Variants in AGAP1 observed in about 807,000 individuals in gnomAD.
AGAP1 encodes arf-GAP with GTPase, ANK repeat and PH domain-containing protein 1.
A neutral mutation model predicts 105.3 loss-of-function variants in AGAP1; 29 were observed. The ratio of observed to expected loss-of-function variants is 0.28; its 90% CI spans 0.21 to 0.38. The LOEUF (loss-of-function observed/expected upper bound fraction) is 0.38, where lower values mean the gene tolerates loss of function less well. AGAP1 is among the 10% of genes least tolerant of loss of function. The probability of loss-of-function intolerance (pLI) is 1.00; values close to 1 mark genes in which losing one functional copy is unlikely to be tolerated. For synonymous variants in AGAP1, 509 were observed against 485.9 expected (o/e 1.05, Z -0.63); for missense variants, 998 against 1,165.1 (o/e 0.86, Z 2.09).
chr2:235,821,382 A>T (rs866729229), intron 9 of AGAP1, among the ~76,000 whole-genome samples: 4 of 133,816 alleles, frequency 3.0e-5, no homozygotes, highest in East Asian at 2.2e-4. Context: ...CAGAACTTCA[A>T]TTTTTTTTTT....
At position 235,971,155 on chromosome 2, in the gene AGAP1, A is replaced by G. The variant is rs2054625522; in HGVS notation, c.1645+2532A>G. Among the ~76,000 whole-genome samples the G allele has an allele frequency of 6.6e-6, 1 of 152,178 alleles. No individual in the cohort carries two copies. The stretch of plus-strand genomic sequence containing the variant: ...CGGCTATGACATCTTTCCAATAGCA[A>G]ATAAGTCATAAGTTATTTATAAAAA... On this transcript the variant is annotated intron_variant, in intron 13 of 17. Coordinates refer to ENST00000304032, the MANE Select transcript of AGAP1 (RefSeq NM_001037131.3). This position sits in a 1 kb window ranked among gnomAD's most constrained non-coding sequence, Gnocchi z 4.8.
At chr2:235,670,850 C>G (rs1948370430) in intron 1 of AGAP1, 5 of 1,244,918 alleles carry the variant, frequency 4.0e-6, no homozygotes, top group Non-Finnish European at 4.1e-6. Flanking sequence ...GGAGCGCGCG[C>G]GGGCGGCGGC....
rs576988808 is a variant in AGAP1 at position 235,719,994 on chromosome 2, C to G, written c.310+2350C>G. Among the ~76,000 whole-genome samples, 90 of 152,230 alleles carry G rather than the reference C, an allele frequency of 5.9e-4. 1 individual carries two copies. Among genetic ancestry groups the G allele is most frequent in the African/African-American group, 2.1e-3 (87 of 41,530 alleles). The stretch of plus-strand genomic sequence containing the variant: ...GTAGAACCAAGCAGGTGGCCACTGT[C>G]TTTGCCCCTCTTAATGAGACCAGGG... On this transcript the variant is annotated intron_variant, in intron 3 of 17. Transcript: ENST00000304032. This position sits in a 1 kb window ranked among gnomAD's most constrained non-coding sequence, Gnocchi z 4.9.
chr2:236,000,531 C>G lies in AGAP1; in HGVS notation c.1645+31908C>G, dbSNP rs2056073178. 6.6e-6 allele frequency among the ~76,000 whole-genome samples: 1 copy of G among 152,168 alleles called. No individual in the cohort carries two copies. The highest frequency in any genetic ancestry group is 1.5e-5 in the Non-Finnish European group (1 of 68,026). ...TGATGGTGGGGTGTGCATCCCCCACCCCCCAAGCCTGTTCCTAGAAGGCCA... is the reference window on the plus strand; with the variant it reads ...TGATGGTGGGGTGTGCATCCCCCACGCCCCAAGCCTGTTCCTAGAAGGCCA... On this transcript the variant is annotated intron_variant, in intron 13 of 17. Coordinates refer to ENST00000304032, the MANE Select transcript of AGAP1 (RefSeq NM_001037131.3). The surrounding 1 kb of genome is among the most constrained non-coding windows in gnomAD (Gnocchi z 4.3).
At chr2:236,102,375 G>A (rs901983370) in intron 16 of AGAP1, among the ~76,000 whole-genome samples, 1 of 142,910 alleles carries the variant, frequency 7.0e-6, no homozygotes, top group African/African-American at 2.7e-5. Flanking sequence ...GCGAGATCAT[G>A]CCACTGCACT....
At position 236,126,516 on chromosome 2, in the gene AGAP1, A is replaced by G. The variant is rs1050337710; in HGVS notation, c.*2394A>G. On this transcript the variant is annotated 3_prime_UTR_variant, in exon 18 of 18. Transcript: ENST00000304032. Reference sequence around the variant, plus strand: ...CTTTGGGATGTATATGAGCGTGTACATATTATTCTATGTGTTTATAATATA... The same window carrying G: ...CTTTGGGATGTATATGAGCGTGTACGTATTATTCTATGTGTTTATAATATA... The G allele has an allele frequency of 2.6e-5, 4 of 152,356 alleles. No homozygotes were observed. Among genetic ancestry groups the G allele is most frequent in the Middle Eastern group, 3.4e-3 (1 of 294 alleles). 9.4% of individuals were successfully genotyped at this position (152,356 alleles called of 1,614,324 possible).
chr2:235,808,792 T>A (rs1957977264), intron 9 of AGAP1, among the ~76,000 whole-genome samples: 1 of 152,150 alleles, frequency 6.6e-6, no homozygotes, highest in South Asian at 2.1e-4. Flanking sequence ...TTCTCTTCCC[T>A]CCATATATTC....
intron 16 of AGAP1, among the ~76,000 whole-genome samples, chr2:236,112,939 T>C (rs2059687356): frequency 6.6e-6 from 1 of 152,250 alleles, no homozygotes; most frequent in African/African-American, 2.4e-5. Flanking sequence ...CCTAAGTCTT[T>C]CCTTCCTTCT....
chr2:236,081,668 G>GTTTT (rs35088277), intron 16 of AGAP1, among the ~76,000 whole-genome samples: 8 of 135,192 alleles, frequency 5.9e-5, no homozygotes, highest in African/African-American at 1.6e-4. Context: ...AGTTCTGTGG[G>GTTTT]TTTTTTTTTT....
Position 235,750,344 on chromosome 2 carries a change from T to A in AGAP1, c.539-10T>A. 1 of 1,614,100 alleles carries A rather than the reference T, an allele frequency of 6.2e-7. No homozygotes were observed. The highest frequency in any genetic ancestry group is 1.3e-5 in the African/African-American group (1 of 75,040). ...TCACTGTGCCGTTACTTTTTGGTCTTCTGTTCCAGATGCCATAAGTTCTGC... is the reference window on the plus strand; with the variant it reads ...TCACTGTGCCGTTACTTTTTGGTCTACTGTTCCAGATGCCATAAGTTCTGC... On this transcript the variant is annotated splice_polypyrimidine_tract_variant and intron_variant, in intron 5 of 17. Transcript: ENST00000304032. This position sits in a 1 kb window ranked among gnomAD's most constrained non-coding sequence, Gnocchi z 5.3.
chr2:235,799,494 A>G lies in AGAP1; in HGVS notation c.929A>G (p.Gln310Arg), dbSNP rs141716710. The G allele has an allele frequency of 1.1e-4, 170 of 1,614,102 alleles. No individual in the cohort carries two copies. The highest frequency in any genetic ancestry group is 2.7e-4 in the Admixed American group (16 of 60,010). Reference protein sequence around the residue: ...TANTPTPVRKQSKRRSNLFTS... With the variant: ...TANTPTPVRKRSKRRSNLFTS... Reference sequence around the variant, plus strand: ...AACACGCCCACGCCCGTTCGCAAGCAGTCTAAGCGCCGGTCCAACCTGTTC... The same window carrying G: ...AACACGCCCACGCCCGTTCGCAAGCGGTCTAAGCGCCGGTCCAACCTGTTC... The change falls in exon 8 of 18, where the codon CAG becomes CGG. Residue 310 changes from glutamine (Q) to arginine (R), a missense_variant. Physicochemically the swap from Gln to Arg is conservative, Grantham distance 43. This residue lies in a region of AGAP1 where 735 missense variants were observed against 833.4 expected (regional missense o/e 0.88). Coordinates refer to ENST00000304032, the MANE Select transcript of AGAP1 (RefSeq NM_001037131.3). The surrounding 1 kb of genome is among the most constrained non-coding windows in gnomAD (Gnocchi z 5.0).
rs1269200719 is a variant in AGAP1 at position 235,934,435 on chromosome 2, T to C, written c.1483+3512T>C. Among the ~76,000 whole-genome samples, 1 of 152,086 alleles carries C rather than the reference T, an allele frequency of 6.6e-6. No individual in the cohort carries two copies. Among genetic ancestry groups the C allele is most frequent in the Admixed American group, 6.5e-5 (1 of 15,280 alleles). ...CCGGCGTCCCTCTGGTTCGCGTCATTCCCCCCTTTAGTGTGCTGCTTCGTC... is the reference window on the plus strand; with the variant it reads ...CCGGCGTCCCTCTGGTTCGCGTCATCCCCCCCTTTAGTGTGCTGCTTCGTC... On this transcript the variant is annotated intron_variant, in intron 12 of 17. Transcript: ENST00000304032. The surrounding 1 kb of genome is among the most constrained non-coding windows in gnomAD (Gnocchi z 4.9).
chr2:235,643,047 A>G (rs1365387657), intron 1 of AGAP1, among the ~76,000 whole-genome samples: 4 of 152,182 alleles, frequency 2.6e-5, no homozygotes, highest in Non-Finnish European at 5.9e-5. Context: ...GACAGACTCC[A>G]GGGACCAGCT....
At chr2:236,057,812 A>G (rs765005188) in intron 16 of AGAP1, among the ~76,000 whole-genome samples, 1 of 152,056 alleles carries the variant, frequency 6.6e-6, no homozygotes, top group Non-Finnish European at 1.5e-5. Flanking sequence ...CCACCCACTT[A>G]ATTATGTAGA....
Position 235,956,274 on chromosome 2 carries a change from A to G in AGAP1, c.1484-12188A>G, listed in dbSNP as rs549958795. Among the ~76,000 whole-genome samples the G allele has an allele frequency of 5.0e-4, 76 of 152,298 alleles. No homozygotes were observed. In the South Asian group the frequency reaches 6.4e-3, roughly 13 times the overall value. Reference sequence around the variant, plus strand: ...CGTGCCTTCCCATTTATCGGAGTTCACCGTATTAATTTAAACTTTGTGCTG... The same window carrying G: ...CGTGCCTTCCCATTTATCGGAGTTCGCCGTATTAATTTAAACTTTGTGCTG... On this transcript the variant is annotated intron_variant, in intron 12 of 17. Coordinates refer to ENST00000304032, the MANE Select transcript of AGAP1 (RefSeq NM_001037131.3).
At chr2:235,709,533 CCACA>C (rs201016012) in intron 2 of AGAP1, among the ~76,000 whole-genome samples, 1 of 111,094 alleles carries the variant, frequency 9.0e-6, no homozygotes, top group African/African-American at 2.9e-5. Context: ...GTGTGTGTGT[CCACA>C]CACACACACC....
At chr2:235,672,078 T>C (rs963390197) in intron 1 of AGAP1, among the ~76,000 whole-genome samples, 4 of 152,148 alleles carry the variant, frequency 2.6e-5, no homozygotes, top group Admixed American at 1.3e-4. Flanking sequence ...CATCCTCTTA[T>C]CTGAATTCTT....
At chr2:235,546,438 C>G (rs1258484608) in intron 1 of AGAP1, among the ~76,000 whole-genome samples, 2 of 152,186 alleles carry the variant, frequency 1.3e-5, no homozygotes, top group Non-Finnish European at 2.9e-5. Context: ...AGGTTACACT[C>G]TTGGTGGTTC....
intron 11 of AGAP1, among the ~76,000 whole-genome samples, chr2:235,910,436 G>A (rs1459717435): frequency 1.3e-5 from 2 of 152,096 alleles, no homozygotes; most frequent in African/African-American, 2.4e-5. Context: ...ATTTTTCCAG[G>A]GGCTTCTATG....
Sources: gnomAD v4.1 joint callset for allele counts (sites outside exome capture counted in the v4.1 genomes callset) on GRCh38, gnomAD v4.1.1 for gene constraint, gnomAD v4.1.1 regional missense constraint, Gnocchi (gnomAD v3.1) non-coding constraint, MANE v1.5 for transcripts, NCBI Gene and HGNC (gene_info 2026-07-23, HGNC 2026-07-21) for gene names.